ST8SIA2: variants seen among roughly 807,000 people sequenced by gnomAD.
The protein encoded by ST8SIA2 is ST8 alpha-N-acetyl-neuraminide alpha-2,8-sialyltransferase 2.
In ST8SIA2, 22 loss-of-function variants were observed where a neutral mutation model predicts 37.6. The ratio of observed to expected loss-of-function variants is 0.58; its 90% confidence interval spans 0.42 to 0.83. The LOEUF is 0.83. Ranked by LOEUF, ST8SIA2 falls within the 40% of genes least tolerant of loss-of-function variation. The pLI is 0.00. For missense variants in ST8SIA2, 382 were observed against 484.7 expected (o/e 0.79, Z 1.99); for synonymous variants, 205 against 201.2 (o/e 1.02, Z -0.16).
At position 92,444,630 on chromosome 15, in the gene ST8SIA2, C is replaced by T. The variant is rs774315872; in HGVS notation, c.549-6C>T. The T allele has an allele frequency of 4.5e-5, 73 of 1,614,106 alleles. No individual in the cohort carries two copies. Among genetic ancestry groups the T allele is most frequent in the South Asian group, 5.5e-5 (5 of 91,094 alleles). Reference sequence around the variant, plus strand: ...AAAAGGATCATGTTGCCTTTTTCTCCGGCAGGTGCAACCTGGCCCCAGTAC... The same window carrying T: ...AAAAGGATCATGTTGCCTTTTTCTCTGGCAGGTGCAACCTGGCCCCAGTAC... On this transcript the variant is annotated splice_polypyrimidine_tract_variant and splice_region_variant and intron_variant, in intron 4 of 5. Coordinates refer to ENST00000268164, the MANE Select transcript of ST8SIA2 (RefSeq NM_006011.4).
intron 1 of ST8SIA2, among the ~76,000 whole-genome samples, chr15:92,423,769 C>T (rs144207153): frequency 6.6e-6 from 1 of 152,378 alleles, no homozygotes; most frequent in African/African-American, 2.4e-5. Context: ...AACACTGTTG[C>T]ATTGGAGGTT....
rs570793584 is a variant in ST8SIA2 at position 92,430,672 on chromosome 15, C to T, written c.161+561C>T. Among the ~76,000 whole-genome samples, 4 of 152,320 alleles carry T rather than the reference C, an allele frequency of 2.6e-5. No individual in the cohort carries two copies. In the East Asian group the frequency reaches 7.7e-4, roughly 29 times the overall value. ...GGACAGCTTGATGCAGGACAGCGTG[C>T]AAACCCAGGCTTGCCCCTGGCTGTG... On this transcript the variant is annotated intron_variant, in intron 2 of 5. Coordinates refer to ENST00000268164, the MANE Select transcript of ST8SIA2 (RefSeq NM_006011.4).
intron 2 of ST8SIA2, among the ~76,000 whole-genome samples, chr15:92,431,944 A>C (rs1231333547): frequency 1.3e-5 from 2 of 152,152 alleles, no homozygotes; most frequent in Admixed American, 1.3e-4. Context: ...ACCAGCATTT[A>C]TCTCTCTCCC....
intron 1 of ST8SIA2, among the ~76,000 whole-genome samples, chr15:92,428,168 A>G (rs2049690420): frequency 6.6e-6 from 1 of 152,080 alleles, no homozygotes. Flanking sequence ...AAGACATGAA[A>G]CCTGATTTCA....
intron 1 of ST8SIA2, among the ~76,000 whole-genome samples, chr15:92,419,927 G>A (rs1184314936): frequency 3.3e-5 from 5 of 152,120 alleles, no homozygotes; most frequent in Non-Finnish European, 5.9e-5. Flanking sequence ...GTGCAGTGGC[G>A]CGATCTCGGC....
chr15:92,416,005 G>C (rs1003608719), intron 1 of ST8SIA2, among the ~76,000 whole-genome samples: 4 of 152,180 alleles, frequency 2.6e-5, no homozygotes, highest in African/African-American at 4.8e-5. Context: ...TCTGAAAGCT[G>C]CAGGGGTCGG....
At chr15:92,459,054 G>A (rs769359350) in intron 5 of ST8SIA2, among the ~76,000 whole-genome samples, 4 of 152,118 alleles carry the variant, frequency 2.6e-5, no homozygotes, top group Non-Finnish European at 5.9e-5. Flanking sequence ...TGGAGGCCCA[G>A]CACACGCCTG....
intron 4 of ST8SIA2, among the ~76,000 whole-genome samples, chr15:92,439,028 C>T (rs1412700075): frequency 1.3e-5 from 2 of 152,088 alleles, no homozygotes; most frequent in Non-Finnish European, 2.9e-5. Context: ...TCACTGGGCA[C>T]GGTTAAATCA....
intron 3 of ST8SIA2, among the ~76,000 whole-genome samples, chr15:92,436,440 G>A (rs989194888): frequency 1.3e-5 from 2 of 152,196 alleles, no homozygotes; most frequent in African/African-American, 2.4e-5. Flanking sequence ...GAGGGAAAAA[G>A]AATTTCCTCC....
Position 92,464,161 on chromosome 15 carries a change from C to G in ST8SIA2, c.904C>G (p.Leu302Val). The G allele has an allele frequency of 6.2e-7, 1 of 1,611,726 alleles. No homozygotes were observed. Among genetic ancestry groups the G allele is most frequent in the Non-Finnish European group, 8.5e-7 (1 of 1,179,192 alleles). The change falls in exon 6 of 6, where the codon CTG (leucine) becomes GTG (valine). Residue 302 changes from leucine to valine, a missense_variant. Leu to Val is a conservative substitution (Grantham distance 32, BLOSUM62 1). Coordinates refer to ENST00000268164, the MANE Select transcript of ST8SIA2 (RefSeq NM_006011.4). Reference sequence around the variant, plus strand: ...CACCACCGGCCTCTTGATGTATACCCTGGCCACACGTTTCTGCAAACAAAT... The same window carrying G: ...CACCACCGGCCTCTTGATGTATACCGTGGCCACACGTTTCTGCAAACAAAT... ...RPTTGLLMYT[L>V]ATRFCKQIYL...
Position 92,453,838 on chromosome 15 carries a change from C to T in ST8SIA2, c.842+8909C>T, listed in dbSNP as rs567677607. Among the ~76,000 whole-genome samples, 138 of 152,300 alleles carry T rather than the reference C, an allele frequency of 9.1e-4. 1 individual carries two copies. The highest frequency in any genetic ancestry group is 1.4e-3 in the Non-Finnish European group (95 of 68,030). On this transcript the variant is annotated intron_variant, in intron 5 of 5. Transcript: ENST00000268164. ...ATAAAAAAGTCAATAGAACAAGGCT[C>T]CTGCCCTCCATTGGCTCATAGATTT...
At chr15:92,396,470 G>GTTTTTTTT (rs111488508) in intron 1 of ST8SIA2, among the ~76,000 whole-genome samples, 2 of 143,650 alleles carry the variant, frequency 1.4e-5, no homozygotes, top group South Asian at 2.3e-4. Context: ...GTTTGTTTTT[G>GTTTTTTTT]TTTTTTTTTT....
At chr15:92,445,198 C>A (rs925736358) in intron 5 of ST8SIA2, 9 of 558,484 alleles carry the variant, frequency 1.6e-5, no homozygotes, top group African/African-American at 1.5e-4. Flanking sequence ...GTGGGGCTGT[C>A]TTGAGGCTCA....
At chr15:92,433,645 C>A (rs114579810) in intron 2 of ST8SIA2, among the ~76,000 whole-genome samples, 1 of 152,314 alleles carries the variant, frequency 6.6e-6, no homozygotes, top group African/African-American at 2.4e-5. Context: ...CTATGTTAGA[C>A]CATTAGGGAA....
At chr15:92,438,711 G>T in intron 4 of ST8SIA2, 101 bp downstream of exon 4, 2 of 1,434,764 alleles carry the variant, frequency 1.4e-6, no homozygotes, top group Non-Finnish European at 9.2e-7. Context: ...AAGAGGCCCT[G>T]GTGGAGTTAG....
chr15:92,433,673 A>G (rs1172662403), intron 2 of ST8SIA2, among the ~76,000 whole-genome samples: 1 of 152,232 alleles, frequency 6.6e-6, no homozygotes, highest in East Asian at 1.9e-4. Context: ...TGAATGTGGG[A>G]GATCCCTTGC....
chr15:92,441,583 A>G (rs2049802483), intron 4 of ST8SIA2, among the ~76,000 whole-genome samples: 1 of 39,688 alleles, frequency 2.5e-5, no homozygotes, highest in African/African-American at 1.2e-4. Context: ...GCATGCACAC[A>G]CACACACACA....
intron 1 of ST8SIA2, among the ~76,000 whole-genome samples, chr15:92,419,887 G>C (rs1443996268): frequency 6.6e-6 from 1 of 152,184 alleles, no homozygotes; most frequent in Non-Finnish European, 1.5e-5. Flanking sequence ...GTTTCTTTGA[G>C]ATAGAGTCTC....
At chr15:92,442,206 G>A (rs1447883646) in intron 4 of ST8SIA2, among the ~76,000 whole-genome samples, 1 of 152,186 alleles carries the variant, frequency 6.6e-6, no homozygotes, top group Non-Finnish European at 1.5e-5. Flanking sequence ...ACAGTCATTG[G>A]AAAAGCTTGG....
Sources: gnomAD v4.1 joint callset for allele counts (sites outside exome capture counted in the v4.1 genomes callset) on GRCh38, gnomAD v4.1.1 for gene constraint, MANE v1.5 for transcripts, NCBI Gene and HGNC (gene_info 2026-07-23, HGNC 2026-07-21) for gene names.